The following ZNF385D variants were observed in gnomAD, a reference collection of about 807,000 sequenced individuals.
ZNF385D encodes zinc finger protein 385D, also known as zinc finger protein 659.
In ZNF385D, 15 loss-of-function variants were observed where a neutral mutation model predicts 35.8. The ratio of observed to expected loss-of-function variants is 0.42; its 90% CI spans 0.28 to 0.64. The LOEUF (loss-of-function observed/expected upper bound fraction) is 0.64, where lower values mean the gene tolerates loss of function less well. Ranked by LOEUF, ZNF385D falls within the 30% of genes least tolerant of loss-of-function variation. ZNF385D has a pLI of 0.23. For missense variants in ZNF385D, 474 were observed against 494.6 expected (o/e 0.96, Z 0.39); for synonymous variants, 212 against 186.8 (o/e 1.13, Z -1.10).
chr3:22,050,277 G>C (rs1217512552), intron 3 of ZNF385D, among the ~76,000 whole-genome samples: 3 of 151,848 alleles, frequency 2.0e-5, no homozygotes, highest in Non-Finnish European at 1.5e-5. Context: ...TGGGAAGACT[G>C]CTTGAGCCCC....
chr3:22,139,199 C>T (rs984939185), intron 3 of ZNF385D, among the ~76,000 whole-genome samples: 7 of 152,076 alleles, frequency 4.6e-5, no homozygotes, highest in African/African-American at 7.2e-5. Flanking sequence ...TTGTGGAAGT[C>T]GGTGTGGCGA....
intron 2 of ZNF385D, among the ~76,000 whole-genome samples, chr3:22,327,037 T>G (rs1290404034): frequency 6.6e-6 from 1 of 152,150 alleles, no homozygotes; most frequent in Non-Finnish European, 1.5e-5. Flanking sequence ...GAGATGAAAG[T>G]GAAACCCAAA....
intron 5 of ZNF385D, among the ~76,000 whole-genome samples, chr3:21,431,527 A>G (rs1423871672): frequency 6.6e-6 from 1 of 152,172 alleles, no homozygotes; most frequent in Admixed American, 6.6e-5. Context: ...GGGCACCGCA[A>G]CAGAGAAATG....
At chr3:21,893,690 C>A (rs1156548058) in intron 3 of ZNF385D, among the ~76,000 whole-genome samples, 1 of 152,064 alleles carries the variant, frequency 6.6e-6, no homozygotes, top group African/African-American at 2.4e-5. Context: ...TTGAAAGTTG[C>A]ATGGAAATTG....
intron 2 of ZNF385D, among the ~76,000 whole-genome samples, chr3:22,275,654 A>T (rs535354827): frequency 1.9e-4 from 29 of 152,298 alleles, no homozygotes; most frequent in African/African-American, 7.0e-4. Context: ...TGGAAAAGCC[A>T]ATAATCATAT....
intron 2 of ZNF385D, among the ~76,000 whole-genome samples, chr3:21,656,388 G>C (rs557892890): frequency 6.6e-6 from 1 of 152,082 alleles, no homozygotes; most frequent in African/African-American, 2.4e-5. Flanking sequence ...TCTGAAGATT[G>C]TTAGGGAAGG....
intron 2 of ZNF385D, among the ~76,000 whole-genome samples, chr3:21,613,905 A>T (rs1163414017): frequency 6.6e-6 from 1 of 152,142 alleles, no homozygotes; most frequent in Admixed American, 6.5e-5. Context: ...AAATTGCTAT[A>T]TGAGTTGGAC....
chr3:22,032,607 A>G (rs1027410776), intron 3 of ZNF385D, among the ~76,000 whole-genome samples: 2 of 152,130 alleles, frequency 1.3e-5, no homozygotes, highest in South Asian at 4.1e-4. Context: ...CTAGTAACAG[A>G]GGTGACTTTC....
chr3:21,790,433 G>T (rs1292481874), intron 3 of ZNF385D, among the ~76,000 whole-genome samples: 2 of 151,938 alleles, frequency 1.3e-5, no homozygotes, highest in Non-Finnish European at 2.9e-5. Context: ...GATAAGATTT[G>T]GGGTGATTGC....
intron 3 of ZNF385D, among the ~76,000 whole-genome samples, chr3:21,841,371 G>C (rs929667345): frequency 1.1e-4 from 16 of 151,878 alleles, no homozygotes; most frequent in Non-Finnish European, 2.4e-4. Context: ...TGTAAGCTGA[G>C]ATCCTTTGAA....
At chr3:22,264,208 C>A (rs1450289530) in intron 2 of ZNF385D, among the ~76,000 whole-genome samples, 2 of 151,916 alleles carry the variant, frequency 1.3e-5, no homozygotes, top group East Asian at 3.9e-4. Flanking sequence ...AAGTATGTGA[C>A]AAAGTGAGGC....
intron 4 of ZNF385D, among the ~76,000 whole-genome samples, chr3:21,505,498 A>G (rs1012981088): frequency 1.3e-5 from 2 of 152,172 alleles, no homozygotes; most frequent in Non-Finnish European, 2.9e-5. Context: ...TCTAACTATC[A>G]CAACATTTTT....
At chr3:21,441,390 G>A (rs1314001125) in intron 4 of ZNF385D, among the ~76,000 whole-genome samples, 3 of 152,122 alleles carry the variant, frequency 2.0e-5, no homozygotes, top group East Asian at 1.9e-4. Context: ...CTTGCCCAAC[G>A]CCAGAGCTGC....
intron 3 of ZNF385D, among the ~76,000 whole-genome samples, chr3:22,031,748 T>C (rs1698016437): frequency 6.6e-6 from 1 of 152,240 alleles, no homozygotes; most frequent in Non-Finnish European, 1.5e-5. Context: ...GCAGCAGGCT[T>C]CAATTTCAAC....
intron 1 of ZNF385D, among the ~76,000 whole-genome samples, chr3:21,698,748 T>C (rs1399260595): frequency 1.3e-5 from 2 of 152,108 alleles, no homozygotes; most frequent in East Asian, 3.9e-4. Context: ...AAAAGTTTAT[T>C]GTCACTGGTC....
At chr3:21,536,319 G>A (rs1422193147) in intron 3 of ZNF385D, among the ~76,000 whole-genome samples, 2 of 152,056 alleles carry the variant, frequency 1.3e-5, no homozygotes, top group East Asian at 3.9e-4. Flanking sequence ...TATGATGTCA[G>A]AAAATGGAGT....
At chr3:21,746,026 A>G (rs2069752237) in intron 1 of ZNF385D, among the ~76,000 whole-genome samples, 3 of 152,236 alleles carry the variant, frequency 2.0e-5, no homozygotes, top group African/African-American at 7.2e-5. Flanking sequence ...TTAAGTCTAT[A>G]TATATAACAA....
At chr3:22,156,434 A>G (rs1280919515) in intron 3 of ZNF385D, among the ~76,000 whole-genome samples, 1 of 152,062 alleles carries the variant, frequency 6.6e-6, no homozygotes, top group Non-Finnish European at 1.5e-5. Context: ...ATTAACTGCA[A>G]TGCTCAGGAT....
chr3:22,332,498 A>C (rs553613535), intron 2 of ZNF385D, among the ~76,000 whole-genome samples: 29 of 152,336 alleles, frequency 1.9e-4, no homozygotes, highest in African/African-American at 7.0e-4. Context: ...AGTAGAAAGT[A>C]ATCAGGCTTT....
Sources: gnomAD v4.1 joint callset for allele counts (sites outside exome capture counted in the v4.1 genomes callset) on GRCh38, gnomAD v4.1.1 for gene constraint, MANE v1.5 for transcripts, NCBI Gene and HGNC (gene_info 2026-07-23, HGNC 2026-07-21) for gene names.